ZNF546: variants seen among roughly 807,000 people sequenced by gnomAD.
ZNF546 encodes CTC-471F3.6.
Under a neutral mutation model 76.2 loss-of-function variants are expected in ZNF546, and 60 were observed. The ratio of observed to expected loss-of-function variants is 0.79; its 90% CI spans 0.64 to 0.98. The LOEUF (loss-of-function observed/expected upper bound fraction) is 0.98, where lower values mean the gene tolerates loss of function less well. Ranked by LOEUF, ZNF546 falls within the 50% of genes least tolerant of loss-of-function variation. ZNF546 has a pLI of 0.00. For synonymous variants in ZNF546, 277 were observed against 328.1 expected (o/e 0.84, Z 1.68); for missense variants, 936 against 1,035.6 (o/e 0.90, Z 1.32).
At position 40,014,731 on chromosome 19, in the gene ZNF546, T is replaced by G; in HGVS notation, c.1461T>G (p.His487Gln). The G allele has an allele frequency of 1.2e-6, 2 of 1,613,146 alleles. No homozygotes were observed. Among genetic ancestry groups the G allele is most frequent in the Non-Finnish European group, 8.5e-7 (1 of 1,179,868 alleles). ...TTTGTGGTTATCAACTTACTTTACA[T>G]CTGAGAACTCACACCGGTGAGATTC... Reference protein sequence around the residue: ...AFICGYQLTLHLRTHTGEIPY... With the variant: ...AFICGYQLTLQLRTHTGEIPY... The change falls in exon 7 of 7, where the codon CAT becomes CAG. Residue 487 changes from histidine (H) to glutamine (Q), a missense_variant. Physicochemically the swap from His to Gln is conservative, Grantham distance 24 (BLOSUM62 0). Coordinates refer to ENST00000347077, the MANE Select transcript of ZNF546 (RefSeq NM_178544.5).
rs781232700 is a variant in ZNF546 at position 40,015,185 on chromosome 19, T to C, written c.1915T>C (p.Cys639Arg). 2 of 1,613,938 alleles carry C rather than the reference T, an allele frequency of 1.2e-6. No individual in the cohort carries two copies. The highest frequency in any genetic ancestry group is 1.7e-6 in the Non-Finnish European group (2 of 1,180,026). ...TCATACTGGTGAAAAACCCTATAAATGTACAGAATGTGGGAAGGCCTTTAT... is the reference window on the plus strand; with the variant it reads ...TCATACTGGTGAAAAACCCTATAAACGTACAGAATGTGGGAAGGCCTTTAT... ...RIHTGEKPYK[C>R]TECGKAFIRS... The change falls in exon 7 of 7, where the codon TGT (cysteine) becomes CGT (arginine). Residue 639 changes from cysteine to arginine, a missense_variant. Coordinates refer to ENST00000347077, the MANE Select transcript of ZNF546 (RefSeq NM_178544.5).
At chr19:40,007,638 T>A (rs1259817475) in intron 5 of ZNF546, among the ~76,000 whole-genome samples, 1 of 152,184 alleles carries the variant, frequency 6.6e-6, no homozygotes. Context: ...TTCTAAATAA[T>A]TTCCAGGTTT....
Position 40,014,379 on chromosome 19 carries a change from G to A in ZNF546, c.1109G>A (p.Arg370Gln), listed in dbSNP as rs770631498. Residue 370 changes from arginine to glutamine, a missense_variant, in exon 7 of 7, where the codon CGA becomes CAA. Arg to Gln is a conservative substitution (Grantham distance 43, BLOSUM62 1). Transcript: ENST00000347077. ...TGTGGCAAGACCTTTAGGGTACAAC[G>A]ACATATTAGTCAACATCAGAAAATT... The part of the protein sequence containing the change: ...KVCGKTFRVQ[R>Q]HISQHQKIHT... The A allele has an allele frequency of 1.7e-4, 275 of 1,613,650 alleles. 1 individual carries two copies. In the East Asian group the frequency reaches 5.1e-3, roughly 30 times the overall value.
Position 40,020,258 on chromosome 19 carries a change from A to T in ZNF546, c.*4477A>T, listed in dbSNP as rs1173705703. 4 of 152,170 alleles carry T rather than the reference A, an allele frequency of 2.6e-5. No homozygotes were observed. Among genetic ancestry groups the T allele is most frequent in the Non-Finnish European group, 5.9e-5 (4 of 68,000 alleles). 9.4% of individuals were successfully genotyped at this position (152,170 alleles called of 1,614,324 possible). A position where few individuals can be genotyped will look rare whatever the true frequency, so the allele number is the denominator to read the frequency against. ...AACCAAAATGTCTGTGATCTCATGG[A>T]TCCATTATGATTTGCAACTCCAGGT... On this transcript the variant is annotated 3_prime_UTR_variant, in exon 7 of 7. Coordinates refer to ENST00000347077, the MANE Select transcript of ZNF546 (RefSeq NM_178544.5).
chr19:40,008,320 GC>G, intron 5 of ZNF546, 149 bp from the exon 6 acceptor site: 1 of 478,642 alleles, frequency 2.1e-6, no homozygotes, highest in Non-Finnish European at 3.8e-6. Context: ...TTCTTAGATG[GC>G]CTTTTTCTTC....
chr19:40,008,080 G>C (rs1971626925), intron 5 of ZNF546, among the ~76,000 whole-genome samples: 1 of 152,180 alleles, frequency 6.6e-6, no homozygotes, highest in African/African-American at 2.4e-5. Context: ...GCCCTAAGAA[G>C]TCGGTAATAT....
intron 3 of ZNF546, 37 bp from the exon 4 acceptor site, chr19:40,006,059 C>T: frequency 6.4e-7 from 1 of 1,564,528 alleles, no homozygotes; most frequent in Non-Finnish European, 8.8e-7. Context: ...AGTTTTGACA[C>T]ACATCTGGTC....
rs138710425 is a variant in ZNF546, at chr19:40,014,192, A to G, written c.922A>G (p.Lys308Glu). ...VKPYECKECG[K>E]AFSRVRDLRV... ...ACCCTACGAGTGTAAGGAATGTGGG[A>G]AAGCCTTTAGTCGTGTTAGAGACCT... Residue 308 changes from lysine (K) to glutamate (E), a missense_variant, in exon 7 of 7, where the codon AAA (lysine) becomes GAA (glutamate). Lys to Glu is a moderately conservative substitution (Grantham distance 56). Coordinates refer to ENST00000347077, the MANE Select transcript of ZNF546 (RefSeq NM_178544.5). 2.9e-5 allele frequency: 46 copies of G among 1,613,858 alleles called. No individual in the cohort carries two copies. In the African/African-American group the frequency reaches 6.1e-4, roughly 22 times the overall value.
intron 3 of ZNF546, among the ~76,000 whole-genome samples, chr19:40,001,789 C>T (rs545931395): frequency 9.9e-5 from 15 of 152,236 alleles, no homozygotes; most frequent in African/African-American, 3.6e-4. Context: ...GGGCATGAGA[C>T]TCAAACTTTA....
rs1971807092 is a variant in ZNF546, at chr19:40,018,306, A to C, written c.*2525A>C. ...TTTTTAAATGTGCTTTTTTATCCCC[A>C]GTATTTCCCATTAACTGGAATTTGG... On this transcript the variant is annotated 3_prime_UTR_variant, in exon 7 of 7. Transcript: ENST00000347077. 1 of 152,148 alleles carries C rather than the reference A, an allele frequency of 6.6e-6. No homozygotes were observed. The highest frequency in any genetic ancestry group is 2.1e-4 in the South Asian group (1 of 4,830). The allele number at this position is 152,148 out of a possible 1,614,324, so 9.4% of individuals were successfully genotyped here.
rs1971788098 is a variant in ZNF546 at position 40,017,535 on chromosome 19, C to T, written c.*1754C>T. The T allele has an allele frequency of 6.6e-6, 1 of 152,246 alleles. No homozygotes were observed. 9.4% of individuals were successfully genotyped at this position (152,246 alleles called of 1,614,324 possible). A position where few individuals can be genotyped will look rare whatever the true frequency, so the allele number is the denominator to read the frequency against. The stretch of plus-strand genomic sequence containing the variant: ...ATCTAAGAATAAAGGCTGCCTCCTA[C>T]TTAATTGCTATATAACAATTGTCCA... On this transcript the variant is annotated 3_prime_UTR_variant, in exon 7 of 7. Transcript: ENST00000347077.
At position 40,001,944 on chromosome 19, in the gene ZNF546, C is replaced by T. The variant is rs898229519; in HGVS notation, c.84+3534C>T. 1.6e-4 allele frequency among the ~76,000 whole-genome samples: 24 copies of T among 152,252 alleles called. No individual in the cohort carries two copies. The East Asian group carries it at 4.2e-3, about 27-fold the overall frequency. On this transcript the variant is annotated intron_variant, in intron 3 of 6. Coordinates refer to ENST00000347077, the MANE Select transcript of ZNF546 (RefSeq NM_178544.5). ...GGGATGTATGTATTATCTCAATCTT[C>T]GTGACAACCCTATGAGATAGGTGCT...
In ZNF546 at chr19:40,014,607, G is replaced by A. The variant is rs1971727586; in HGVS notation, c.1337G>A (p.Cys446Tyr). The change falls in exon 7 of 7, where the codon TGT becomes TAT. Residue 446 changes from cysteine to tyrosine, a missense_variant. Cys to Tyr is a radical substitution (Grantham distance 194, BLOSUM62 -2). Transcript: ENST00000347077. The part of the protein sequence containing the change: ...TGEKPYECRE[C>Y]GKAFRLQTEL... Reference sequence around the variant, plus strand: ...GAGAAACCCTATGAATGTAGAGAATGTGGAAAAGCCTTTCGTCTTCAAACG... The same window carrying A: ...GAGAAACCCTATGAATGTAGAGAATATGGAAAAGCCTTTCGTCTTCAAACG... 6.2e-7 allele frequency: 1 copy of A among 1,613,542 alleles called. No individual in the cohort carries two copies. Among genetic ancestry groups the A allele is most frequent in the Non-Finnish European group, 8.5e-7 (1 of 1,179,740 alleles).
In ZNF546 at chr19:40,014,310, A is replaced by C. The variant is rs115050037; in HGVS notation, c.1040A>C (p.His347Pro). 9.7e-4 allele frequency: 1,561 copies of C among 1,614,126 alleles called. 11 individuals carry two copies. The African/African-American group carries it at 0.018, about 19-fold the overall frequency. Residue 347 changes from histidine (H) to proline (P), a missense_variant, in exon 7 of 7, where the codon CAT (histidine) becomes CCT (proline). His to Pro is a moderately conservative substitution (Grantham distance 77, BLOSUM62 -2). Coordinates refer to ENST00000347077, the MANE Select transcript of ZNF546 (RefSeq NM_178544.5). ...AGACTTCATTATCAACTAACTGAAC[A>C]TCAAAGAATTCATACTGGTGAGAGG... ...AFRLHYQLTE[H>P]QRIHTGERPY...
rs1162129443 is a variant in ZNF546 at position 40,015,387 on chromosome 19, A to G, written c.2117A>G (p.Tyr706Cys). The change falls in exon 7 of 7, where the codon TAT becomes TGT. Residue 706 changes from tyrosine (Y) to cysteine (C), a missense_variant. Transcript: ENST00000347077. The part of the protein sequence containing the change: ...NECGNAFICS[Y>C]RLTLHQRIHT... ...TGTGGGAATGCTTTTATTTGCAGTT[A>G]TCGACTTACATTACATCAAAGAATT... is the stretch of plus-strand genomic sequence containing the variant. 6.2e-7 allele frequency: 1 copy of G among 1,614,090 alleles called. No homozygotes were observed. Among genetic ancestry groups the G allele is most frequent in the Admixed American group, 1.7e-5 (1 of 60,006 alleles).
In ZNF546 at chr19:40,013,864, C is replaced by CCAAAAA; in HGVS notation, c.599_604dup (p.Lys200_Gln201dup). ...TGGGATGCGTTAGTCAAATGCTAATCCAAAAACAAATATCTCATCCTCTAC... is the reference window on the plus strand; with the variant it reads ...TGGGATGCGTTAGTCAAATGCTAATCCAAAAACAAAAACAAATATCTCATCCTCTAC... On this transcript the variant is annotated inframe_insertion, in exon 7 of 7. Coordinates refer to ENST00000347077, the MANE Select transcript of ZNF546 (RefSeq NM_178544.5). 1 of 1,607,400 alleles carries CCAAAAA rather than the reference C, an allele frequency of 6.2e-7. No homozygotes were observed. Among genetic ancestry groups the CCAAAAA allele is most frequent in the Non-Finnish European group, 8.5e-7 (1 of 1,177,118 alleles).
intron 6 of ZNF546, among the ~76,000 whole-genome samples, chr19:40,012,817 T>C (rs1971689051): frequency 7.1e-6 from 1 of 140,542 alleles, no homozygotes; most frequent in African/African-American, 2.6e-5. Context: ...TTTACCATTC[T>C]TTTTTTTTTT....
chr19:40,014,046 A>C lies in ZNF546; in HGVS notation c.776A>C (p.Asp259Ala), dbSNP rs761382254. The C allele has an allele frequency of 1.2e-6, 2 of 1,610,850 alleles. No homozygotes were observed. Among genetic ancestry groups the C allele is most frequent in the Non-Finnish European group, 1.7e-6 (2 of 1,177,678 alleles). ...GGAAAGGCCTTTTGTCGAGTGGGAG[A>C]CCTTAGAGTACATCACACAATCCAT... ...ECGKAFCRVG[D>A]LRVHHTIHAG... The change falls in exon 7 of 7, where the codon GAC becomes GCC. Residue 259 changes from aspartate (D) to alanine (A), a missense_variant. By Grantham distance (126) the Asp-to-Ala change is moderately radical (BLOSUM62 -2). Transcript: ENST00000347077.
chr19:39,997,650 T>G (rs1971472038), intron 1 of ZNF546, among the ~76,000 whole-genome samples: 1 of 152,168 alleles, frequency 6.6e-6, no homozygotes, highest in Non-Finnish European at 1.5e-5. Flanking sequence ...GCTGCATGTT[T>G]CAGAACCACT....
Sources: gnomAD v4.1 joint callset for allele counts (sites outside exome capture counted in the v4.1 genomes callset) on GRCh38, gnomAD v4.1.1 for gene constraint, MANE v1.5 for transcripts, NCBI Gene and HGNC (gene_info 2026-07-23, HGNC 2026-07-21) for gene names.